MTNAP1: variants seen among roughly 807,000 people sequenced by gnomAD.
MTNAP1 encodes the protein mitochondrial nucleoid associated protein 1.
the MTNAP1 span, chr17:73,248,443 G>C: frequency 9.4e-5 from 141 of 1,503,792 alleles, no homozygotes; most frequent in Admixed American, 1.8e-4. Context: ...TAAAAGTCGT[G>C]TTCTGCCCTG....
chr17:73,248,392 ATAAGTTT>A, the MTNAP1 span: 1 of 1,069,102 alleles, frequency 9.4e-7, no homozygotes, highest in Non-Finnish European at 1.4e-6. Context: ...AAACAGCCTT[ATAAGTTT>A]TGTCTCTTAA....
the MTNAP1 span, chr17:73,235,466 C>T: frequency 2.5e-6 from 4 of 1,584,882 alleles, no homozygotes; most frequent in Non-Finnish European, 3.4e-6. Context: ...CTCACATTTA[C>T]CTTTTTCAGG....
chr17:73,248,774 C>A, the MTNAP1 span: 1 of 469,994 alleles, frequency 2.1e-6, no homozygotes, highest in Non-Finnish European at 3.8e-6. Context: ...CTTGTTTAAT[C>A]CTGAATAATA....
the MTNAP1 span, chr17:73,236,133 A>G: frequency 1.2e-5 from 19 of 1,614,196 alleles, no homozygotes; most frequent in South Asian, 2.0e-4. Context: ...AGGAACTTCT[A>G]GTAAAATTAC....
chr17:73,247,341 G>T, the MTNAP1 span: 3 of 1,614,108 alleles, frequency 1.9e-6, no homozygotes, highest in Non-Finnish European at 2.5e-6. Context: ...GTTTGGATTA[G>T]GAAGCACGTT....
At chr17:73,246,409 G>C in the MTNAP1 span, among the ~76,000 whole-genome samples, 1 of 152,268 alleles carries the variant, frequency 6.6e-6, no homozygotes, top group Non-Finnish European at 1.5e-5. Flanking sequence ...AGTGGCACAC[G>C]CCTGTAGTCC....
At chr17:73,234,224 A>T in the MTNAP1 span, among the ~76,000 whole-genome samples, 1 of 152,218 alleles carries the variant, frequency 6.6e-6, no homozygotes, top group Admixed American at 6.5e-5. Context: ...AGAATAAGAG[A>T]TGTAGAAAGG....
chr17:73,246,795 A>G, the MTNAP1 span, among the ~76,000 whole-genome samples: 1 of 152,210 alleles, frequency 6.6e-6, no homozygotes, highest in African/African-American at 2.4e-5. Flanking sequence ...GAAGAGTTCT[A>G]CATTCAGTTA....
chr17:73,240,863 C>T, the MTNAP1 span, among the ~76,000 whole-genome samples: 1 of 125,532 alleles, frequency 8.0e-6, no homozygotes, highest in Non-Finnish European at 1.7e-5. Flanking sequence ...AAATTTTTTC[C>T]AAGATGAATG....
chr17:73,235,383 G>A, the MTNAP1 span: 1 of 1,098,064 alleles, frequency 9.1e-7, no homozygotes, highest in South Asian at 1.7e-5. Context: ...CATCTAGCTT[G>A]TTCCAAATGA....
At chr17:73,238,591 C>T in the MTNAP1 span, among the ~76,000 whole-genome samples, 3 of 152,190 alleles carry the variant, frequency 2.0e-5, no homozygotes, top group African/African-American at 7.2e-5. Flanking sequence ...AAGTTGTAGT[C>T]ACAAAGTCAA....
the MTNAP1 span, chr17:73,236,966 T>C: frequency 1.2e-5 from 19 of 1,595,632 alleles, no homozygotes; most frequent in South Asian, 3.3e-5. Context: ...CCACAACTTA[T>C]CAGTCCCCAG....
At chr17:73,238,128 C>CT in the MTNAP1 span, among the ~76,000 whole-genome samples, 9,224 of 152,254 alleles carry the variant, frequency 0.061, 392 homozygotes, top group Non-Finnish European at 0.085. Flanking sequence ...GACCAAGGCC[C>CT]AAGGAGCCAG....
At chr17:73,236,068 G>A in the MTNAP1 span, 2 of 1,614,100 alleles carry the variant, frequency 1.2e-6, no homozygotes, top group Admixed American at 3.3e-5. Flanking sequence ...TCTACCTAAT[G>A]ATGTACAAAC....
At chr17:73,243,893 C>G in the MTNAP1 span, among the ~76,000 whole-genome samples, 1 of 152,154 alleles carries the variant, frequency 6.6e-6, no homozygotes, top group Non-Finnish European at 1.5e-5. Flanking sequence ...TTACCCTGCT[C>G]CAATGGAAGG....
chr17:73,236,968 A>G, the MTNAP1 span: 4 of 1,592,588 alleles, frequency 2.5e-6, no homozygotes, highest in Non-Finnish European at 3.4e-6. Context: ...ACAACTTATC[A>G]GTCCCCAGGG....
chr17:73,234,773 C>CTGTGTGTGTGTGTGTGTGTGTGTG, the MTNAP1 span, among the ~76,000 whole-genome samples: 3,991 of 145,932 alleles, frequency 0.027, 69 homozygotes, highest in South Asian at 0.054. Context: ...TTATGTATAT[C>CTGTGTGTGTGTGTGTGTGTGTGTG]TGTGTGTGTG....
chr17:73,245,675 C>A, the MTNAP1 span: 2 of 985,256 alleles, frequency 2.0e-6, no homozygotes, highest in Non-Finnish European at 2.4e-6. Flanking sequence ...TTGACCAGAT[C>A]TTGATAAGGT....
chr17:73,233,323 C>G, the MTNAP1 span: 1 of 152,160 alleles, frequency 6.6e-6, no homozygotes, highest in Admixed American at 6.5e-5. Flanking sequence ...TGGAGGAGCT[C>G]GGGTAAGAAA....
Sources: gnomAD v4.1 joint callset for allele counts (sites outside exome capture counted in the v4.1 genomes callset) on GRCh38, gnomAD v4.1.1 for gene constraint, MANE v1.5 for transcripts, NCBI Gene and HGNC (gene_info 2026-07-23, HGNC 2026-07-21) for gene names.